CCDC3: variants seen among roughly 807,000 people sequenced by gnomAD.
The protein encoded by CCDC3 is coiled-coil domain-containing protein 3.
CCDC3 carries 24 observed loss-of-function variants against 21.4 expected under a neutral mutation model. The ratio of observed to expected loss-of-function variants is 1.12; its 90% confidence interval spans 0.81 to 1.58. The LOEUF is 1.58. CCDC3 is among the 40% of genes most tolerant of loss of function. The pLI is 0.00. For missense variants in CCDC3, 425 were observed against 360.9 expected (o/e 1.18, Z -1.44); for synonymous variants, 186 against 166.0 (o/e 1.12, Z -0.93).
At chr10:13,001,003 G>A (rs1180874951) in intron 1 of CCDC3, among the ~76,000 whole-genome samples, 194 bp downstream of exon 1, 1 of 152,192 alleles carries the variant, frequency 6.6e-6, no homozygotes, top group Non-Finnish European at 1.5e-5. Flanking sequence ...CTTAACCAGG[G>A]GTAGTCAGGA....
At chr10:13,019,217 G>C (rs1836113148) in intron 5 of CCDC3, among the ~76,000 whole-genome samples, 1 of 152,074 alleles carries the variant, frequency 6.6e-6, no homozygotes, top group African/African-American at 2.4e-5. Flanking sequence ...CTGGGTGAGA[G>C]AGTGAGACTC....
At chr10:12,929,086 A>AC (rs1411102486) in intron 2 of CCDC3, among the ~76,000 whole-genome samples, 2 of 151,814 alleles carry the variant, frequency 1.3e-5, no homozygotes, top group African/African-American at 4.8e-5. Flanking sequence ...AGATGGTGAA[A>AC]CCCCTCCTCT....
At chr10:13,090,067 A>ACCGTTTCTTTCTTTTTT (rs1372347475) in intron 3 of CCDC3, among the ~76,000 whole-genome samples, 1 of 47,768 alleles carries the variant, frequency 2.1e-5, no homozygotes, top group Admixed American at 2.3e-4. Context: ...ATATATATAT[A>ACCGTTTCTTTCTTTTTT]TATATATATA....
chr10:12,901,214 T>TATTA lies in CCDC3; in HGVS notation c.550-2539_550-2536dup, dbSNP rs554889103. ...TGTTCTTGTTCTTTTCTACCCAAGGTATTAATCCCAGGAGCATTCTTGAAA... is the reference window on the plus strand; with the variant it reads ...TGTTCTTGTTCTTTTCTACCCAAGGTATTAATTAATCCCAGGAGCATTCTTGAAA... On this transcript the variant is annotated intron_variant, in intron 2 of 2. Coordinates refer to ENST00000378825, the MANE Select transcript of CCDC3 (RefSeq NM_031455.4). 2.6e-3 allele frequency among the ~76,000 whole-genome samples: 399 copies of TATTA among 152,372 alleles called. 2 individuals carry two copies. Among genetic ancestry groups the TATTA allele is most frequent in the African/African-American group, 8.9e-3 (369 of 41,578 alleles).
rs1457737954 is a variant in CCDC3 at position 12,938,304 on chromosome 10, T to C, written c.550-39625A>G. ...GCTTTCTGATCACCAGTCCACACGTTCAATACTTTTAGCCCCCAGTCCTCT... is the reference window on the plus strand; with the variant it reads ...GCTTTCTGATCACCAGTCCACACGTCCAATACTTTTAGCCCCCAGTCCTCT... On this transcript the variant is annotated intron_variant, in intron 2 of 2. Transcript: ENST00000378825. 3.3e-5 allele frequency among the ~76,000 whole-genome samples: 5 copies of C among 151,798 alleles called. No individual in the cohort carries two copies. The East Asian group carries it at 9.7e-4, about 30-fold the overall frequency.
intron 2 of CCDC3, among the ~76,000 whole-genome samples, chr10:12,908,442 T>C (rs1194246710): frequency 1.3e-5 from 2 of 152,160 alleles, no homozygotes; most frequent in African/African-American, 4.8e-5. Context: ...CGGTCTCCTG[T>C]GTTTCTCCCA....
chr10:12,983,171 T>TATATATATATAG (rs1410816584), intron 2 of CCDC3, among the ~76,000 whole-genome samples: 1 of 140,482 alleles, frequency 7.1e-6, no homozygotes, highest in Non-Finnish European at 1.5e-5. Flanking sequence ...TATATATATA[T>TATATATATATAG]ATAAAATCTA....
intron 2 of CCDC3, among the ~76,000 whole-genome samples, chr10:12,984,089 A>T (rs903864387): frequency 2.0e-5 from 3 of 152,200 alleles, no homozygotes; most frequent in Non-Finnish European, 4.4e-5. Flanking sequence ...AAAAACAAAC[A>T]AACAAACAAA....
chr10:12,902,607 G>A (rs764145770), intron 2 of CCDC3, among the ~76,000 whole-genome samples: 14 of 152,188 alleles, frequency 9.2e-5, no homozygotes, highest in Non-Finnish European at 1.9e-4. Flanking sequence ...ACCCAATAGT[G>A]GCTGGAACAT....
chr10:13,049,149 A>G (rs1564332588), intron 5 of CCDC3, among the ~76,000 whole-genome samples: 1 of 152,186 alleles, frequency 6.6e-6, no homozygotes, highest in Non-Finnish European at 1.5e-5. Context: ...TTCCCTTTTC[A>G]TCAAGAAGAC....
At chr10:12,931,208 C>CAAAAAAAA (rs67541166) in intron 2 of CCDC3, among the ~76,000 whole-genome samples, 5 of 75,054 alleles carry the variant, frequency 6.7e-5, no homozygotes, top group African/African-American at 2.4e-4. Flanking sequence ...AAGACTCTGT[C>CAAAAAAAA]AAAAAAAAAA....
At chr10:12,946,174 T>A (rs56344609) in intron 2 of CCDC3, among the ~76,000 whole-genome samples, 8,554 of 152,238 alleles carry the variant, frequency 0.056, 240 homozygotes, top group Non-Finnish European at 0.072. Context: ...AACAAGTCAT[T>A]CAACAGACTT....
At chr10:12,978,975 A>G (rs1835458117) in intron 2 of CCDC3, among the ~76,000 whole-genome samples, 1 of 152,044 alleles carries the variant, frequency 6.6e-6, no homozygotes, top group African/African-American at 2.4e-5. Flanking sequence ...TTTGTTCCCA[A>G]ATGAGAGCTG....
chr10:12,924,986 G>A (rs774681206), intron 2 of CCDC3, among the ~76,000 whole-genome samples: 6 of 152,192 alleles, frequency 3.9e-5, no homozygotes, highest in Admixed American at 2.0e-4. Flanking sequence ...TGAGCAGCCC[G>A]TGTGGACACC....
chr10:12,913,220 C>T (rs4748014), intron 2 of CCDC3, among the ~76,000 whole-genome samples: 120,108 of 152,140 alleles, frequency 0.79, 47,607 homozygotes, highest in Middle Eastern at 0.88. Flanking sequence ...TCTATGAGCA[C>T]AGGATATCTT....
intron 2 of CCDC3, among the ~76,000 whole-genome samples, chr10:12,984,659 G>A (rs1383286460): frequency 6.6e-6 from 1 of 152,162 alleles, no homozygotes; most frequent in Non-Finnish European, 1.5e-5. Context: ...ATGCCAAACT[G>A]CTGAATGAAT....
chr10:12,910,009 G>A (rs1194992343), intron 2 of CCDC3, among the ~76,000 whole-genome samples: 1 of 152,226 alleles, frequency 6.6e-6, no homozygotes, highest in Admixed American at 6.5e-5. Flanking sequence ...CGGGGAATGC[G>A]ATGGGAATTT....
chr10:13,011,759 A>C (rs1835986646), intron 5 of CCDC3, among the ~76,000 whole-genome samples: 1 of 152,232 alleles, frequency 6.6e-6, no homozygotes, highest in East Asian at 1.9e-4. Flanking sequence ...CCTAAGCAAG[A>C]ACACAGCTGG....
upstream of CCDC3, among the ~76,000 whole-genome samples, chr10:13,002,897 T>G (rs1457865340): frequency 6.6e-6 from 1 of 152,216 alleles, no homozygotes; most frequent in Non-Finnish European, 1.5e-5. Context: ...TGGCCTTCTC[T>G]CTGTGTGTGA....
Sources: gnomAD v4.1 joint callset for allele counts (sites outside exome capture counted in the v4.1 genomes callset) on GRCh38, gnomAD v4.1.1 for gene constraint, MANE v1.5 for transcripts, NCBI Gene and HGNC (gene_info 2026-07-23, HGNC 2026-07-21) for gene names.